Variants in SPAG16 observed in about 807,000 individuals in gnomAD.
SPAG16 encodes sperm-associated antigen 16 protein.
A neutral mutation model predicts 80.4 loss-of-function variants in SPAG16; 86 were observed. That is an observed-to-expected ratio of 1.07 (90% CI 0.90 to 1.28). SPAG16 has a LOEUF of 1.28. Among genes scored for constraint, SPAG16 ranks in the 50% most tolerant of loss-of-function variants. The pLI, the probability that SPAG16 is intolerant of heterozygous loss-of-function variation, is 0.00. For missense variants in SPAG16, 870 were observed against 765.3 expected (o/e 1.14, Z -1.61); for synonymous variants, 294 against 265.9 (o/e 1.11, Z -1.03).
chr2:214,042,114 C>A (rs2049065779), intron 13 of SPAG16, among the ~76,000 whole-genome samples: 1 of 148,810 alleles, frequency 6.7e-6, no homozygotes, highest in South Asian at 2.1e-4. Flanking sequence ...GAGACAGAGT[C>A]TCTCTCTGTT....
intron 13 of SPAG16, among the ~76,000 whole-genome samples, chr2:214,099,666 T>C (rs565847975): frequency 6.6e-6 from 1 of 152,272 alleles, no homozygotes; most frequent in Non-Finnish European, 1.5e-5. Context: ...TTTATGGTAG[T>C]TGCCTCTGGA....
At chr2:213,823,051 T>A (rs2073052670) in intron 10 of SPAG16, among the ~76,000 whole-genome samples, 1 of 152,206 alleles carries the variant, frequency 6.6e-6, no homozygotes, top group African/African-American at 2.4e-5. Flanking sequence ...TGCATGTGTC[T>A]TATAGTAGAA....
chr2:213,753,587 T>C (rs1265611104), intron 10 of SPAG16, among the ~76,000 whole-genome samples: 2 of 152,192 alleles, frequency 1.3e-5, no homozygotes, highest in East Asian at 1.9e-4. Flanking sequence ...GAAGTCCCAG[T>C]AGCTACAGGT....
In SPAG16 at chr2:213,306,232, A is replaced by AT. The variant is rs1008009465; in HGVS notation, c.280-3818dup. Among the ~76,000 whole-genome samples, 20 of 148,652 alleles carry AT rather than the reference A, an allele frequency of 1.3e-4. No individual in the cohort carries two copies. In the South Asian group the frequency reaches 2.8e-3, roughly 21 times the overall value. ...ATTTATTTGAGTCTACTTTAAAAAA[A>AT]TTTTTTTTTGGCTAATGTTTTGTCA... On this transcript the variant is annotated intron_variant, in intron 3 of 15. Coordinates refer to ENST00000331683, the MANE Select transcript of SPAG16 (RefSeq NM_024532.5).
intron 10 of SPAG16, among the ~76,000 whole-genome samples, chr2:213,713,606 A>G (rs533335036): frequency 1.3e-5 from 2 of 152,210 alleles, no homozygotes; most frequent in Non-Finnish European, 2.9e-5. Flanking sequence ...CAGTCATTTC[A>G]GCTTTCCTCT....
At chr2:213,974,998 CT>C (rs1468850196) in intron 12 of SPAG16, among the ~76,000 whole-genome samples, 1 of 142,572 alleles carries the variant, frequency 7.0e-6, no homozygotes, top group Non-Finnish European at 1.5e-5. Flanking sequence ...ATTAAGAAAA[CT>C]ACCATAGTAG....
intron 9 of SPAG16, among the ~76,000 whole-genome samples, chr2:213,403,883 A>G (rs1057044412): frequency 2.0e-5 from 3 of 152,232 alleles, no homozygotes; most frequent in African/African-American, 7.2e-5. Context: ...ATCAATGTAC[A>G]AAAATCACAA....
chr2:214,149,057 ATATATATGTGTGTGTGTGTG>A (rs912604099), intron 14 of SPAG16, 63 bp from the exon 15 acceptor site: 6 of 315,132 alleles, frequency 1.9e-5, no homozygotes, highest in African/African-American at 4.0e-5. Flanking sequence ...GTGTGTGTAT[ATATATATGTGTGTGTGTGTG>A]TATATATATA....
In SPAG16 at chr2:213,596,501, A is replaced by G. The variant is rs112258766; in HGVS notation, c.1070+106411A>G. 1.6e-3 allele frequency among the ~76,000 whole-genome samples: 237 copies of G among 152,258 alleles called. 3 individuals are homozygous for G. The highest frequency in any genetic ancestry group is 4.6e-3 in the African/African-American group (193 of 41,590). Reference sequence around the variant, plus strand: ...GGTTGAAATCCTTCAAATCTGAGGCATCTCTCTGACCTAAATTTCAGATGA... The same window carrying G: ...GGTTGAAATCCTTCAAATCTGAGGCGTCTCTCTGACCTAAATTTCAGATGA... On this transcript the variant is annotated intron_variant, in intron 10 of 15. Coordinates refer to ENST00000331683, the MANE Select transcript of SPAG16 (RefSeq NM_024532.5).
At chr2:213,632,501 A>G (rs2062193922) in intron 10 of SPAG16, among the ~76,000 whole-genome samples, 1 of 152,114 alleles carries the variant, frequency 6.6e-6, no homozygotes. Flanking sequence ...GACTTCCACT[A>G]TCATGTTGAA....
At chr2:214,037,540 C>T (rs1354191954) in intron 13 of SPAG16, among the ~76,000 whole-genome samples, 1 of 152,000 alleles carries the variant, frequency 6.6e-6, no homozygotes, top group African/African-American at 2.4e-5. Flanking sequence ...ATCTACCTTA[C>T]TGATTAGGTT....
At chr2:213,838,179 T>G (rs1000748340) in intron 10 of SPAG16, among the ~76,000 whole-genome samples, 3 of 152,092 alleles carry the variant, frequency 2.0e-5, no homozygotes, top group Non-Finnish European at 4.4e-5. Flanking sequence ...ATCTCTGATT[T>G]CTTTTTTTTT....
intron 8 of SPAG16, among the ~76,000 whole-genome samples, chr2:213,365,624 A>G (rs1315668896): frequency 6.7e-6 from 1 of 148,406 alleles, no homozygotes; most frequent in Non-Finnish European, 1.5e-5. Context: ...TGACTGGCTA[A>G]TTTTTGTATT....
intron 15 of SPAG16, among the ~76,000 whole-genome samples, chr2:214,408,505 C>G (rs1702120199): frequency 6.6e-6 from 1 of 152,088 alleles, no homozygotes; most frequent in Non-Finnish European, 1.5e-5. Flanking sequence ...GATGAAGAAG[C>G]CCAGTAGTTA....
At chr2:214,297,253 C>T (rs1401063030) in intron 15 of SPAG16, among the ~76,000 whole-genome samples, 3 of 151,942 alleles carry the variant, frequency 2.0e-5, no homozygotes, top group Non-Finnish European at 2.9e-5. Flanking sequence ...TTCTTCAATT[C>T]TGTAGGTTGT....
intron 15 of SPAG16, among the ~76,000 whole-genome samples, chr2:214,335,832 C>T (rs1421870323): frequency 1.4e-5 from 2 of 144,620 alleles, no homozygotes; most frequent in Non-Finnish European, 3.0e-5. Flanking sequence ...AATCTCGGCT[C>T]ACTGCAACCT....
At chr2:213,966,873 T>A (rs1237171685) in intron 12 of SPAG16, among the ~76,000 whole-genome samples, 1 of 152,172 alleles carries the variant, frequency 6.6e-6, no homozygotes, top group African/African-American at 2.4e-5. Context: ...CCTTTGTTCC[T>A]CCATTCATTA....
At chr2:214,221,992 ATG>A (rs1360978147) in intron 15 of SPAG16, among the ~76,000 whole-genome samples, 2 of 151,880 alleles carry the variant, frequency 1.3e-5, no homozygotes, top group Admixed American at 6.6e-5. Flanking sequence ...AAATAAAAAT[ATG>A]TGTTTTTGCC....
At chr2:213,687,341 A>G (rs1464236438) in intron 10 of SPAG16, among the ~76,000 whole-genome samples, 1 of 152,184 alleles carries the variant, frequency 6.6e-6, no homozygotes, top group East Asian at 1.9e-4. Context: ...TATTTACCCA[A>G]AAAAGTTAAT....
Sources: allele counts gnomAD v4.1 joint callset (sites outside exome capture counted in the v4.1 genomes callset), GRCh38; gene constraint gnomAD v4.1.1; transcripts MANE v1.5; gene names NCBI Gene and HGNC (gene_info 2026-07-23, HGNC 2026-07-21).